The following SDC2 variants were observed in gnomAD, a reference collection of about 807,000 sequenced individuals.
SDC2 encodes the protein syndecan-2.
Under a neutral mutation model 22.2 loss-of-function variants are expected in SDC2, and 13 were observed. That is an observed-to-expected ratio of 0.59 (90% CI 0.38 to 0.93). SDC2 has a LOEUF of 0.93. Ranked by LOEUF, SDC2 falls within the 40% of genes least tolerant of loss-of-function variation. The pLI is 0.00. For synonymous variants in SDC2, 94 were observed against 92.8 expected (o/e 1.01, Z -0.07); for missense variants, 235 against 246.8 (o/e 0.95, Z 0.32).
chr8:96,506,849 A>T (rs1310960750), intron 1 of SDC2, among the ~76,000 whole-genome samples: 2 of 152,042 alleles, frequency 1.3e-5, no homozygotes, highest in Non-Finnish European at 2.9e-5. Context: ...CTCTACTAAA[A>T]ATACAAAAAA....
chr8:96,501,164 A>T (rs561661888), intron 1 of SDC2, among the ~76,000 whole-genome samples: 2 of 152,264 alleles, frequency 1.3e-5, no homozygotes, highest in African/African-American at 4.8e-5. Context: ...ATTAAATACA[A>T]GTAACCGTGA....
chr8:96,564,101 C>T (rs550971488), intron 1 of SDC2, among the ~76,000 whole-genome samples: 1 of 152,296 alleles, frequency 6.6e-6, no homozygotes, highest in African/African-American at 2.4e-5. Context: ...GGTAACTCCA[C>T]CTTTCTAAAG....
intron 1 of SDC2, among the ~76,000 whole-genome samples, chr8:96,505,391 C>T (rs1274240631): frequency 6.6e-6 from 1 of 152,056 alleles, no homozygotes; most frequent in Non-Finnish European, 1.5e-5. Flanking sequence ...GCAGCCTCTG[C>T]CTCCCAGGTT....
rs1460897132 is a variant in SDC2, at chr8:96,602,359, T to C, written c.173-36T>C. The C allele has an allele frequency of 3.7e-6, 6 of 1,605,720 alleles. No homozygotes were observed. In the South Asian group the frequency reaches 5.5e-5, roughly 15 times the overall value. On this transcript the variant is annotated intron_variant, in intron 2 of 4. Coordinates refer to ENST00000302190, the MANE Select transcript of SDC2 (RefSeq NM_002998.4). ...GATAATGGAGACATCTGTGTCATGA[T>C]TGCCATGCTCAGTTCATCTTCACTT... is the stretch of plus-strand genomic sequence containing the variant.
At chr8:96,510,867 TC>T (rs1461000259) in intron 1 of SDC2, among the ~76,000 whole-genome samples, 1 of 152,192 alleles carries the variant, frequency 6.6e-6, no homozygotes, top group African/African-American at 2.4e-5. Context: ...CTCTTCGTTC[TC>T]CCCGTTAGGA....
chr8:96,606,172 A>G (rs932653673), intron 3 of SDC2, among the ~76,000 whole-genome samples: 6 of 152,156 alleles, frequency 3.9e-5, no homozygotes, highest in African/African-American at 1.4e-4. Context: ...TACCCAGGCT[A>G]GAATGCAGTG....
chr8:96,565,591 T>C (rs1814287371), intron 1 of SDC2, among the ~76,000 whole-genome samples: 1 of 152,022 alleles, frequency 6.6e-6, no homozygotes. Context: ...GAATTGAAAA[T>C]CTGGGACCCT....
intron 1 of SDC2, among the ~76,000 whole-genome samples, chr8:96,583,884 C>T (rs1814638205): frequency 6.6e-6 from 1 of 151,598 alleles, no homozygotes; most frequent in South Asian, 2.1e-4. Context: ...TAATTATTTA[C>T]CAGACATAGT....
At chr8:96,569,161 A>G (rs1046094248) in intron 1 of SDC2, among the ~76,000 whole-genome samples, 1 of 152,078 alleles carries the variant, frequency 6.6e-6, no homozygotes, top group Admixed American at 6.6e-5. Flanking sequence ...GTGCACACCA[A>G]CACGTCCGGA....
At chr8:96,593,355 A>T (rs1814817031) in intron 1 of SDC2, 125 bp from the exon 2 acceptor site, 5 of 636,456 alleles carry the variant, frequency 7.9e-6, no homozygotes, top group Middle Eastern at 2.6e-4. Context: ...GTGGCCAGAG[A>T]TGTGGATTCA....
intron 1 of SDC2, among the ~76,000 whole-genome samples, chr8:96,504,894 G>A (rs55722362): frequency 6.6e-6 from 1 of 151,934 alleles, no homozygotes; most frequent in African/African-American, 2.4e-5. Flanking sequence ...ATAGGGGTGG[G>A]GCCGTTTTAT....
intron 2 of SDC2, among the ~76,000 whole-genome samples, chr8:96,599,953 A>G (rs1193908856): frequency 6.6e-6 from 1 of 152,172 alleles, no homozygotes; most frequent in Non-Finnish European, 1.5e-5. Flanking sequence ...CCAACCTGGC[A>G]ACATAGTTGA....
At chr8:96,587,525 G>T (rs1814707017) in intron 1 of SDC2, among the ~76,000 whole-genome samples, 2 of 152,094 alleles carry the variant, frequency 1.3e-5, no homozygotes, top group Non-Finnish European at 2.9e-5. Flanking sequence ...TTTTTAGTTT[G>T]CATGGGTCAC....
At chr8:96,498,852 C>G (rs565877579) in intron 1 of SDC2, among the ~76,000 whole-genome samples, 12 of 152,312 alleles carry the variant, frequency 7.9e-5, no homozygotes, top group Admixed American at 6.5e-4. Context: ...AGAGCTTTCC[C>G]TCTTTTTTTC....
At chr8:96,569,993 G>A (rs1478261226) in intron 1 of SDC2, among the ~76,000 whole-genome samples, 1 of 152,186 alleles carries the variant, frequency 6.6e-6, no homozygotes. Context: ...CTCTGAAATG[G>A]CAATGCAAAA....
intron 2 of SDC2, among the ~76,000 whole-genome samples, chr8:96,598,077 G>A (rs976526779): frequency 6.6e-6 from 1 of 152,114 alleles, no homozygotes; most frequent in Admixed American, 6.5e-5. Context: ...TTGGTGTCTG[G>A]TGAGGGCTTT....
intron 1 of SDC2, 44 bp downstream of exon 1, chr8:96,494,375 T>G (rs111453065): frequency 2.6e-6 from 4 of 1,528,526 alleles, no homozygotes; most frequent in Non-Finnish European, 3.5e-6. Flanking sequence ...TTAGGGTGTT[T>G]GAAGCTACGA....
At chr8:96,540,765 A>T (rs1216615861) in intron 1 of SDC2, among the ~76,000 whole-genome samples, 1 of 152,216 alleles carries the variant, frequency 6.6e-6, no homozygotes, top group Non-Finnish European at 1.5e-5. Flanking sequence ...GGCCTTCATG[A>T]AGTAGGTTTT....
intron 2 of SDC2, among the ~76,000 whole-genome samples, chr8:96,596,590 A>G (rs761730336): frequency 6.6e-6 from 1 of 152,236 alleles, no homozygotes; most frequent in Non-Finnish European, 1.5e-5. Context: ...AAATACAAAC[A>G]TGAGAAATAA....
Sources: gnomAD v4.1 joint callset for allele counts (sites outside exome capture counted in the v4.1 genomes callset) on GRCh38, gnomAD v4.1.1 for gene constraint, MANE v1.5 for transcripts, NCBI Gene and HGNC (gene_info 2026-07-23, HGNC 2026-07-21) for gene names.